Variants in FAM185A observed in about 807,000 individuals in gnomAD.
FAM185A encodes the protein protein FAM185A.
Under a neutral mutation model 45.7 loss-of-function variants are expected in FAM185A, and 21 were observed. That is an observed-to-expected ratio of 0.46 (90% CI 0.33 to 0.66). FAM185A has a LOEUF of 0.66. Ranked by LOEUF, FAM185A falls within the 30% of genes least tolerant of loss-of-function variation. The probability of loss-of-function intolerance (pLI) is 0.03; values close to 1 mark genes in which losing one functional copy is unlikely to be tolerated. For synonymous variants in FAM185A, 117 were observed against 194.0 expected, an observed-to-expected ratio of 0.60 and a Z score of 3.30; for missense variants, 305 against 485.4, an observed-to-expected ratio of 0.63 and a Z score of 3.49.
the FAM185A span, among the ~76,000 whole-genome samples, chr7:102,848,692 G>C: frequency 6.8e-6 from 1 of 146,348 alleles, no homozygotes; most frequent in East Asian, 2.1e-4. Context: ...ACCAGATTAA[G>C]AGTATAAAAA....
rs1584277464 is a variant in FAM185A, at chr7:102,757,718, G to C, written c.562-136G>C. ...CCAGTTGATGTCATTATTCGAAGCAGTGAGTTTCTATTTCATTCCTTATTG... is the reference window on the plus strand; with the variant it reads ...CCAGTTGATGTCATTATTCGAAGCACTGAGTTTCTATTTCATTCCTTATTG... On this transcript the variant is annotated intron_variant, in intron 2 of 7. Coordinates refer to ENST00000413034, the MANE Select transcript of FAM185A (RefSeq NM_001145268.2). The C allele has an allele frequency of 1.1e-5, 13 of 1,227,184 alleles. No individual in the cohort carries two copies. In the East Asian group the frequency reaches 3.5e-4, roughly 33 times the overall value. 76.0% of individuals were successfully genotyped at this position (1,227,184 alleles called of 1,614,324 possible). A position where few individuals can be genotyped will look rare whatever the true frequency, so the allele number is the denominator to read the frequency against.
chr7:102,754,918 A>G (rs1793608737), intron 2 of FAM185A: 1 of 152,544 alleles, frequency 6.6e-6, no homozygotes, highest in Non-Finnish European at 1.5e-5. Flanking sequence ...TATGTTTTTA[A>G]AAATTCTATA....
the FAM185A span, chr7:102,822,191 C>T: frequency 6.2e-7 from 1 of 1,614,050 alleles, no homozygotes; most frequent in Non-Finnish European, 8.5e-7. Flanking sequence ...ATCTCCATTG[C>T]TGAGTCAGTA....
chr7:102,836,487 A>C, the FAM185A span, among the ~76,000 whole-genome samples: 1 of 152,240 alleles, frequency 6.6e-6, no homozygotes, highest in African/African-American at 2.4e-5. Context: ...ATGCTGCAGA[A>C]TCATACTTCT....
At chr7:102,783,638 T>G (rs1180764449) in intron 6 of FAM185A, among the ~76,000 whole-genome samples, 2 of 151,342 alleles carry the variant, frequency 1.3e-5, no homozygotes, top group African/African-American at 4.8e-5. Context: ...ATCTCTGGTA[T>G]GTCAAAGATA....
At chr7:102,806,079 T>C (rs1481663267) in intron 7 of FAM185A, among the ~76,000 whole-genome samples, 1 of 152,222 alleles carries the variant, frequency 6.6e-6, no homozygotes, top group Non-Finnish European at 1.5e-5. Context: ...GATTTTGTCT[T>C]TGGTTCTTAT....
chr7:102,780,116 CCA>C (rs938078117), intron 6 of FAM185A, among the ~76,000 whole-genome samples: 4 of 151,964 alleles, frequency 2.6e-5, no homozygotes, highest in African/African-American at 9.7e-5. Context: ...ACTTCTAGCT[CCA>C]GTTAGGAAGA....
intron 7 of FAM185A, among the ~76,000 whole-genome samples, chr7:102,787,801 G>T (rs1345724312): frequency 1.3e-5 from 2 of 152,214 alleles, no homozygotes; most frequent in East Asian, 3.9e-4. Flanking sequence ...AACTAACTTC[G>T]TGTGACTGGA....
the FAM185A span, among the ~76,000 whole-genome samples, chr7:102,831,394 GACACACACACACACACACACAC>G: frequency 7.1e-6 from 1 of 141,568 alleles, no homozygotes; most frequent in Non-Finnish European, 1.5e-5. Context: ...CAGTGCCCGG[GACACACACACACACACACACAC>G]ACACACACAC....
At chr7:102,811,961 A>G (rs1797458101), downstream of FAM185A, among the ~76,000 whole-genome samples, 2 of 152,344 alleles carry the variant, frequency 1.3e-5, no homozygotes, top group South Asian at 4.1e-4. Flanking sequence ...AGCCTATAAT[A>G]ATACTTTGTA....
chr7:102,816,302 G>T, the FAM185A span: 1 of 152,222 alleles, frequency 6.6e-6, no homozygotes, highest in Admixed American at 6.5e-5. Context: ...GTTTTAGTCT[G>T]AAGTGCTTTC....
chr7:102,770,740 C>G (rs987720532), intron 4 of FAM185A, among the ~76,000 whole-genome samples: 1 of 152,096 alleles, frequency 6.6e-6, no homozygotes, highest in African/African-American at 2.4e-5. Flanking sequence ...GAAAGGGGAA[C>G]ACTCATACAC....
chr7:102,848,481 A>G, the FAM185A span, among the ~76,000 whole-genome samples: 5 of 82,562 alleles, frequency 6.1e-5, 1 homozygote, highest in East Asian at 2.7e-3. Context: ...GCGTGAACCC[A>G]AGAGGCGGAG....
At chr7:102,778,069 A>AT (rs3987951) in intron 6 of FAM185A, among the ~76,000 whole-genome samples, 1 of 149,836 alleles carries the variant, frequency 6.7e-6, no homozygotes, top group Non-Finnish European at 1.5e-5. Context: ...GTATAAAAAA[A>AT]TTTTTTTAAA....
chr7:102,834,260 C>T, the FAM185A span, among the ~76,000 whole-genome samples: 4 of 150,562 alleles, frequency 2.7e-5, no homozygotes, highest in African/African-American at 9.7e-5. Flanking sequence ...GAAGCAGCTC[C>T]TCTTAGAATA....
chr7:102,836,155 T>C, the FAM185A span, among the ~76,000 whole-genome samples: 7,135 of 152,280 alleles, frequency 0.047, 250 homozygotes, highest in East Asian at 0.12. Flanking sequence ...AAAGCTCTAA[T>C]ATTCTTTAAA....
At chr7:102,774,998 T>G (rs1234947632) in intron 5 of FAM185A, among the ~76,000 whole-genome samples, 1 of 121,886 alleles carries the variant, frequency 8.2e-6, no homozygotes, top group Admixed American at 8.4e-5. Context: ...TTTTGTGGTG[T>G]GTTTTGTTTT....
At chr7:102,759,632 G>A (rs1485721810) in intron 3 of FAM185A, among the ~76,000 whole-genome samples, 1 of 152,078 alleles carries the variant, frequency 6.6e-6, no homozygotes, top group African/African-American at 2.4e-5. Context: ...CAAACTACCT[G>A]TGTTTGAATT....
At chr7:102,785,228 C>CA (rs1342665091) in intron 6 of FAM185A, among the ~76,000 whole-genome samples, 4 of 151,644 alleles carry the variant, frequency 2.6e-5, no homozygotes, top group African/African-American at 4.8e-5. Flanking sequence ...TAGGAAGAAT[C>CA]AATATCATGA....
Sources: gnomAD v4.1 joint callset for allele counts (sites outside exome capture counted in the v4.1 genomes callset) on GRCh38, gnomAD v4.1.1 for gene constraint, MANE v1.5 for transcripts, NCBI Gene and HGNC (gene_info 2026-07-23, HGNC 2026-07-21) for gene names.